INTS15: variants seen among roughly 807,000 people sequenced by gnomAD.
INTS15 encodes integrator complex subunit 15.
At chr7:6,601,953 G>T in the INTS15 span, 1 of 719,254 alleles carries the variant, frequency 1.4e-6, no homozygotes, top group Non-Finnish European at 2.4e-6. Flanking sequence ...CACTGCGCCC[G>T]GCTAGAACTC....
the INTS15 span, among the ~76,000 whole-genome samples, chr7:6,606,291 C>G: frequency 3.9e-5 from 6 of 152,246 alleles, no homozygotes; most frequent in Non-Finnish European, 7.3e-5. Flanking sequence ...GCCTCAGCCC[C>G]TCCTGGGGGC....
the INTS15 span, among the ~76,000 whole-genome samples, chr7:6,605,466 A>C: frequency 6.6e-6 from 1 of 152,192 alleles, no homozygotes; most frequent in African/African-American, 2.4e-5. Flanking sequence ...AGACAGCAGG[A>C]TACAAATCCT....
At chr7:6,590,118 A>G in the INTS15 span, 2 of 470,800 alleles carry the variant, frequency 4.2e-6, no homozygotes, top group Admixed American at 4.7e-5. Context: ...GGCAGCAGCG[A>G]TGGCCCCCTG....
chr7:6,603,351 C>T, the INTS15 span, among the ~76,000 whole-genome samples: 2 of 152,062 alleles, frequency 1.3e-5, no homozygotes, highest in Non-Finnish European at 2.9e-5. Flanking sequence ...AGTTTGAGAC[C>T]AGCCTGGCCA....
At chr7:6,590,405 A>G in the INTS15 span, 1 of 1,606,744 alleles carries the variant, frequency 6.2e-7, no homozygotes, top group South Asian at 1.1e-5. Context: ...CCCATCGTGG[A>G]CAAGGGCCCC....
the INTS15 span, among the ~76,000 whole-genome samples, chr7:6,594,816 G>A: frequency 2.0e-5 from 3 of 152,050 alleles, no homozygotes; most frequent in Admixed American, 6.6e-5. Context: ...CCCCTCCCAG[G>A]TTCAAGCAGT....
At chr7:6,591,912 C>A in the INTS15 span, 1 of 1,572,238 alleles carries the variant, frequency 6.4e-7, no homozygotes, top group South Asian at 1.1e-5. Context: ...TGGCTCATGC[C>A]TGTAATCCCA....
the INTS15 span, among the ~76,000 whole-genome samples, chr7:6,595,698 A>G: frequency 6.6e-6 from 1 of 151,852 alleles, no homozygotes; most frequent in Non-Finnish European, 1.5e-5. Context: ...ACTTTTTTGG[A>G]TATAGAATCT....
the INTS15 span, chr7:6,608,186 C>T: frequency 6.5e-7 from 1 of 1,543,466 alleles, no homozygotes; most frequent in Non-Finnish European, 8.7e-7. Context: ...GCCTTCTGCG[C>T]TCTCGCTGGA....
chr7:6,598,735 T>TTGTGTGTGTGTGTGTGTGTGTGTG, the INTS15 span, among the ~76,000 whole-genome samples: 14 of 83,614 alleles, frequency 1.7e-4, no homozygotes, highest in Admixed American at 5.0e-4. Flanking sequence ...GCTGTATGCT[T>TTGTGTGTGTGTGTGTGTGTGTGTG]TGTGTGTGTG....
the INTS15 span, chr7:6,594,374 A>G: frequency 1.3e-6 from 2 of 1,561,706 alleles, no homozygotes; most frequent in Non-Finnish European, 8.8e-7. Context: ...GTGTGTGCAT[A>G]GTTGCTGGTC....
the INTS15 span, among the ~76,000 whole-genome samples, chr7:6,603,333 T>G: frequency 6.7e-6 from 1 of 150,094 alleles, no homozygotes; most frequent in Admixed American, 6.6e-5. Flanking sequence ...GGATCACTTG[T>G]GGTCAGGAGT....
the INTS15 span, chr7:6,608,526 A>G: frequency 8.8e-7 from 1 of 1,136,730 alleles, no homozygotes; most frequent in African/African-American, 1.7e-5. Context: ...CGTGAAGACG[A>G]TGTGTCCCCG....
At chr7:6,607,706 G>A in the INTS15 span, 1 of 1,521,352 alleles carries the variant, frequency 6.6e-7, no homozygotes, top group East Asian at 2.5e-5. The surrounding 1 kb of genome is among the most constrained non-coding windows in gnomAD (Gnocchi z 6.0). Flanking sequence ...TGTGTGGGCT[G>A]CGCGCCCGGG....
At chr7:6,590,844 C>CA in the INTS15 span, among the ~76,000 whole-genome samples, 1 of 146,554 alleles carries the variant, frequency 6.8e-6, no homozygotes, top group Non-Finnish European at 1.5e-5. Flanking sequence ...CTTTCTCTGC[C>CA]TTTTTTTTTT....
the INTS15 span, chr7:6,608,203 C>T: frequency 6.5e-7 from 1 of 1,535,180 alleles, no homozygotes; most frequent in Non-Finnish European, 8.7e-7. Flanking sequence ...TGGACGAAGC[C>T]TTTCGAGATG....
chr7:6,604,006 AAAAG>A, the INTS15 span, among the ~76,000 whole-genome samples: 1 of 151,734 alleles, frequency 6.6e-6, no homozygotes, highest in South Asian at 2.1e-4. Context: ...CTTAAAAAAA[AAAAG>A]AAAAAGTGAA....
the INTS15 span, chr7:6,600,218 C>A: frequency 6.2e-7 from 1 of 1,614,176 alleles, no homozygotes; most frequent in South Asian, 1.1e-5. Context: ...CCACATGGTC[C>A]CGCTGGTAGA....
chr7:6,590,543 C>T, the INTS15 span: 2 of 1,451,882 alleles, frequency 1.4e-6, no homozygotes, highest in Admixed American at 2.6e-5. Flanking sequence ...CCCAGCGATG[C>T]AGGGCTGTGT....
Sources: gnomAD v4.1 joint callset for allele counts (sites outside exome capture counted in the v4.1 genomes callset) on GRCh38, gnomAD v4.1.1 for gene constraint, Gnocchi (gnomAD v3.1) non-coding constraint, MANE v1.5 for transcripts, NCBI Gene and HGNC (gene_info 2026-07-23, HGNC 2026-07-21) for gene names.